The following GRID2 variants were observed in gnomAD, a reference collection of about 807,000 sequenced individuals.
GRID2 encodes the protein glutamate receptor ionotropic, delta-2.
A neutral mutation model predicts 114.8 loss-of-function variants in GRID2; 33 were observed. The observed-to-expected ratio is 0.29, with a 90% CI of 0.22 to 0.38. The LOEUF is 0.38. Ranked by LOEUF, GRID2 falls within the 10% of genes least tolerant of loss-of-function variation. The pLI, the probability that GRID2 is intolerant of heterozygous loss-of-function variation, is 1.00. For synonymous variants in GRID2, 505 were observed against 449.9 expected (o/e 1.12, Z -1.55); for missense variants, 1,184 against 1,257.7 (o/e 0.94, Z 0.89).
intron 10 of GRID2, among the ~76,000 whole-genome samples, chr4:93,454,392 T>C (rs1185532810): frequency 2.0e-5 from 3 of 152,068 alleles, no homozygotes; most frequent in Non-Finnish European, 4.4e-5. Flanking sequence ...CTTCTGTACT[T>C]ACTAACTGAG....
intron 8 of GRID2, among the ~76,000 whole-genome samples, chr4:93,334,934 A>C (rs1758884900): frequency 6.6e-6 from 1 of 152,142 alleles, no homozygotes; most frequent in South Asian, 2.1e-4. Context: ...TCCGTCTCAA[A>C]AAGAAAAAAA....
At chr4:93,273,888 C>T (rs1222804852) in intron 8 of GRID2, among the ~76,000 whole-genome samples, 2 of 152,096 alleles carry the variant, frequency 1.3e-5, no homozygotes, top group African/African-American at 4.8e-5. Flanking sequence ...CTTTTCATTC[C>T]CAAAGAATGT....
chr4:93,521,055 A>G (rs1402979272), intron 13 of GRID2, among the ~76,000 whole-genome samples: 2 of 152,140 alleles, frequency 1.3e-5, no homozygotes, highest in East Asian at 3.9e-4. Context: ...CATATTTTGA[A>G]GGTAGCACTG....
chr4:92,762,029 A>T (rs1295354006), intron 2 of GRID2, among the ~76,000 whole-genome samples: 1 of 152,050 alleles, frequency 6.6e-6, no homozygotes, highest in Non-Finnish European at 1.5e-5. Context: ...CCCTGATTCA[A>T]GTGATTCTCC....
chr4:92,500,123 TGTAA>T (rs1723601251), intron 1 of GRID2, among the ~76,000 whole-genome samples: 1 of 152,170 alleles, frequency 6.6e-6, no homozygotes, highest in Admixed American at 6.5e-5. Flanking sequence ...GTTTTTTCTT[TGTAA>T]GTCTCAGGCA....
At chr4:93,404,760 T>C (rs1382485609) in intron 9 of GRID2, among the ~76,000 whole-genome samples, 1 of 152,064 alleles carries the variant, frequency 6.6e-6, no homozygotes, top group African/African-American at 2.4e-5. Context: ...TCTTGAAAGA[T>C]GAGCAGGGAT....
chr4:92,415,282 C>T (rs1438588671), intron 1 of GRID2, among the ~76,000 whole-genome samples: 2 of 151,854 alleles, frequency 1.3e-5, no homozygotes, highest in African/African-American at 4.8e-5. Flanking sequence ...TTACATTAAA[C>T]TCTACAACAA....
chr4:92,339,309 G>T (rs1420974042), intron 1 of GRID2, among the ~76,000 whole-genome samples: 2 of 152,012 alleles, frequency 1.3e-5, no homozygotes, highest in Admixed American at 1.3e-4. Context: ...AGAAATAAGG[G>T]GAAAATATTT....
chr4:92,941,966 G>T (rs1751178690), intron 2 of GRID2, among the ~76,000 whole-genome samples: 1 of 152,118 alleles, frequency 6.6e-6, no homozygotes, highest in African/African-American at 2.4e-5. Context: ...TTTTACATTT[G>T]CTGAGGAATG....
intron 10 of GRID2, among the ~76,000 whole-genome samples, chr4:93,427,572 A>G (rs532733871): frequency 6.6e-6 from 1 of 152,128 alleles, no homozygotes; most frequent in South Asian, 2.1e-4. Context: ...CAAAGAAGAA[A>G]TGTTGGAAAG....
intron 2 of GRID2, among the ~76,000 whole-genome samples, chr4:92,692,054 G>A (rs1279601454): frequency 6.6e-6 from 1 of 152,062 alleles, no homozygotes; most frequent in African/African-American, 2.4e-5. Flanking sequence ...CTTTTAACTT[G>A]TAAATACTGG....
chr4:93,074,016 G>T (rs1349011536), intron 2 of GRID2, among the ~76,000 whole-genome samples: 1 of 152,202 alleles, frequency 6.6e-6, no homozygotes, highest in East Asian at 1.9e-4. Context: ...CCTCCACTTG[G>T]TGCAGCTGTG....
intron 1 of GRID2, among the ~76,000 whole-genome samples, chr4:92,484,834 G>T (rs1317761481): frequency 6.6e-6 from 1 of 151,732 alleles, no homozygotes; most frequent in Non-Finnish European, 1.5e-5. Flanking sequence ...CCACTTTTTA[G>T]CTTTGATCTT....
At position 92,916,434 on chromosome 4, in the gene GRID2, C is replaced by T. The variant is rs568810314; in HGVS notation, c.245-168561C>T. Among the ~76,000 whole-genome samples, 13 of 152,062 alleles carry T rather than the reference C, an allele frequency of 8.5e-5. No individual in the cohort carries two copies. The South Asian group carries it at 1.9e-3, about 22-fold the overall frequency. On this transcript the variant is annotated intron_variant, in intron 2 of 15. Coordinates refer to ENST00000282020, the MANE Select transcript of GRID2 (RefSeq NM_001510.4). ...TAAAGGTTAGTTACATATGTATACA[C>T]GTGCCATGTTGGTGTGCTGAACCCA...
chr4:92,896,766 G>A (rs189502769), intron 2 of GRID2, among the ~76,000 whole-genome samples: 33 of 152,158 alleles, frequency 2.2e-4, no homozygotes, highest in African/African-American at 7.5e-4. Context: ...TGTGTGAGAC[G>A]GAGTCTCGCT....
chr4:92,793,443 A>G (rs1739689730), intron 2 of GRID2, among the ~76,000 whole-genome samples: 1 of 151,714 alleles, frequency 6.6e-6, no homozygotes. Context: ...ACTAATGGGT[A>G]CTAGGCTTAA....
chr4:92,921,284 G>C (rs558185134), intron 2 of GRID2, among the ~76,000 whole-genome samples: 2 of 151,842 alleles, frequency 1.3e-5, no homozygotes, highest in African/African-American at 4.8e-5. Context: ...CTTCTTTACC[G>C]TGGGTTCGAA....
intron 2 of GRID2, among the ~76,000 whole-genome samples, chr4:93,074,609 T>A (rs1003388743): frequency 9.2e-5 from 14 of 151,862 alleles, no homozygotes; most frequent in Non-Finnish European, 1.8e-4. Context: ...CAAACTAAAC[T>A]GAAATTAAGC....
At chr4:92,360,133 C>T (rs970880020) in intron 1 of GRID2, among the ~76,000 whole-genome samples, 1 of 151,938 alleles carries the variant, frequency 6.6e-6, no homozygotes, top group African/African-American at 2.4e-5. Flanking sequence ...AGAGCTTTAC[C>T]TAGTTTTCCC....
Sources: allele counts gnomAD v4.1 joint callset (sites outside exome capture counted in the v4.1 genomes callset), GRCh38; gene constraint gnomAD v4.1.1; transcripts MANE v1.5; gene names NCBI Gene and HGNC (gene_info 2026-07-23, HGNC 2026-07-21).